The following NCS1 variants were observed in gnomAD, a reference collection of about 807,000 sequenced individuals.
NCS1 encodes neuronal calcium sensor 1.
Under a neutral mutation model 28.4 loss-of-function variants are expected in NCS1, and 6 were observed. The observed-to-expected ratio is 0.21, with a 90% CI of 0.12 to 0.42. The LOEUF (loss-of-function observed/expected upper bound fraction) is 0.42. NCS1 is among the 10% of genes least tolerant of loss of function. The pLI, the probability that NCS1 is intolerant of heterozygous loss-of-function variation, is 1.00. For missense variants in NCS1, 131 were observed against 241.4 expected (o/e 0.54, Z 3.03); for synonymous variants, 86 against 99.3 (o/e 0.87, Z 0.79).
chr9:130,231,166 C>T (rs1833496720), intron 7 of NCS1, among the ~76,000 whole-genome samples: 1 of 151,886 alleles, frequency 6.6e-6, no homozygotes, highest in Non-Finnish European at 1.5e-5. Context: ...GCCTGGGCAA[C>T]ATGGTGAAAC....
rs1452793856 is a variant in NCS1, at chr9:130,191,357, G to C, written c.65-9601G>C. On this transcript the variant is annotated intron_variant, in intron 1 of 7. Coordinates refer to ENST00000372398, the MANE Select transcript of NCS1 (RefSeq NM_014286.4). The surrounding 1 kb of genome is among the most constrained non-coding windows in gnomAD (Gnocchi z 6.4). ...CTGGCCTGGCCCGAGTCTGCCCTCC[G>C]GGGCCAGGGACTCCATCTACTCGCC... Among the ~76,000 whole-genome samples, 2 of 152,118 alleles carry C rather than the reference G, an allele frequency of 1.3e-5. No individual in the cohort carries two copies. Among genetic ancestry groups the C allele is most frequent in the African/African-American group, 4.8e-5 (2 of 41,436 alleles).
chr9:130,183,700 T>A (rs1228246066), intron 1 of NCS1, among the ~76,000 whole-genome samples: 3 of 151,636 alleles, frequency 2.0e-5, no homozygotes, highest in African/African-American at 7.3e-5. Flanking sequence ...TCTTTCTTTT[T>A]TTCTCTCTCT....
At chr9:130,176,194 C>CTTTT (rs35934993) in intron 1 of NCS1, among the ~76,000 whole-genome samples, 3 of 50,132 alleles carry the variant, frequency 6.0e-5, no homozygotes, top group African/African-American at 1.1e-4. Flanking sequence ...TTCTTTCTTT[C>CTTTT]TTTTTTTTTT....
intron 1 of NCS1, among the ~76,000 whole-genome samples, chr9:130,185,888 C>G (rs1365029688): frequency 6.6e-6 from 1 of 152,260 alleles, no homozygotes; most frequent in East Asian, 1.9e-4. Flanking sequence ...TTTGCTGCGC[C>G]TGAGCGCAAC....
At chr9:130,201,456 G>A (rs1554907471) in intron 2 of NCS1, among the ~76,000 whole-genome samples, 1 of 152,162 alleles carries the variant, frequency 6.6e-6, no homozygotes, top group African/African-American at 2.4e-5. Flanking sequence ...CCGTGATAAG[G>A]ATTCCGAGGC....
In NCS1 at chr9:130,181,918, T is replaced by C. The variant is rs1832664223; in HGVS notation, c.64+9191T>C. On this transcript the variant is annotated intron_variant, in intron 1 of 7. Transcript: ENST00000372398. This position sits in a 1 kb window ranked among gnomAD's most constrained non-coding sequence, Gnocchi z 5.0. ...GCTCTGTACAGGTTGTAAATGTAGGTGTGCCTGGGGGTGGGGGACGCTGGG... is the reference window on the plus strand; with the variant it reads ...GCTCTGTACAGGTTGTAAATGTAGGCGTGCCTGGGGGTGGGGGACGCTGGG... 6.7e-6 allele frequency among the ~76,000 whole-genome samples: 1 copy of C among 148,808 alleles called. No homozygotes were observed. The highest frequency in any genetic ancestry group is 2.5e-5 in the African/African-American group (1 of 40,282).
chr9:130,198,979 G>C (rs374926353), intron 1 of NCS1, among the ~76,000 whole-genome samples: 1 of 152,272 alleles, frequency 6.6e-6, no homozygotes, highest in Admixed American at 6.5e-5. Flanking sequence ...TCCTGAACCC[G>C]TTCCTGCCCC....
At chr9:130,225,189 CTCAA>C (rs1169540908) in intron 6 of NCS1, among the ~76,000 whole-genome samples, 2 of 152,236 alleles carry the variant, frequency 1.3e-5, no homozygotes, top group South Asian at 2.1e-4. Context: ...GAGACCCTGT[CTCAA>C]TCAATCAATC....
Position 130,232,553 on chromosome 9 carries a change from C to A in NCS1, c.*18-437C>A, listed in dbSNP as rs761274643. On this transcript the variant is annotated intron_variant, in intron 7 of 7. Transcript: ENST00000372398. The surrounding 1 kb of genome is among the most constrained non-coding windows in gnomAD (Gnocchi z 4.4). ...ATCCCAGCACTTTGGGAGGCCGAGG[C>A]GGGTCTATCATGAGGTCAGGAGTTC... Among the ~76,000 whole-genome samples the A allele has an allele frequency of 3.9e-5, 6 of 152,120 alleles. No homozygotes were observed. The highest frequency in any genetic ancestry group is 7.4e-5 in the Non-Finnish European group (5 of 68,024).
chr9:130,212,983 C>T (rs140797964), intron 2 of NCS1, among the ~76,000 whole-genome samples: 1 of 152,164 alleles, frequency 6.6e-6, no homozygotes, highest in African/African-American at 2.4e-5. Flanking sequence ...CAGACCCCCC[C>T]ATCCCGTCTC....
chr9:130,222,492 C>T (rs76718740), intron 4 of NCS1, among the ~76,000 whole-genome samples, 158 bp from the exon 5 acceptor site: 4,807 of 152,062 alleles, frequency 0.032, 234 homozygotes, highest in African/African-American at 0.11. Flanking sequence ...GTGTGTGTGT[C>T]TGTCCCTGTC....
At chr9:130,212,791 C>A (rs1833130391) in intron 2 of NCS1, among the ~76,000 whole-genome samples, 1 of 152,112 alleles carries the variant, frequency 6.6e-6, no homozygotes, top group South Asian at 2.1e-4. Context: ...CATATGCCAG[C>A]AGCTCACTCG....
rs560484315 is a variant in NCS1, at chr9:130,196,259, T to C, written c.65-4699T>C. 8.5e-5 allele frequency among the ~76,000 whole-genome samples: 13 copies of C among 152,304 alleles called. No homozygotes were observed. The East Asian group carries it at 2.5e-3, about 29-fold the overall frequency. ...GGGGTGAAGAGGACAAACATTTCCCTCAACTTTTTATTTTGAAAAATCAAG... is the reference window on the plus strand; with the variant it reads ...GGGGTGAAGAGGACAAACATTTCCCCCAACTTTTTATTTTGAAAAATCAAG... On this transcript the variant is annotated intron_variant, in intron 1 of 7. Transcript: ENST00000372398.
rs1157554991 is a variant in NCS1 at position 130,192,447 on chromosome 9, C to G, written c.65-8511C>G. On this transcript the variant is annotated intron_variant, in intron 1 of 7. Coordinates refer to ENST00000372398, the MANE Select transcript of NCS1 (RefSeq NM_014286.4). This position sits in a 1 kb window ranked among gnomAD's most constrained non-coding sequence, Gnocchi z 4.8. ...GGGGCTGCTCTTCCTGGACACGGGG[C>G]CTGTCGTTGTGGGAAATGAGGCGCT... Among the ~76,000 whole-genome samples the G allele has an allele frequency of 6.6e-6, 1 of 152,056 alleles. No individual in the cohort carries two copies. Among genetic ancestry groups the G allele is most frequent in the Non-Finnish European group, 1.5e-5 (1 of 68,006 alleles).
At chr9:130,229,880 T>C (rs1833475465) in intron 7 of NCS1, among the ~76,000 whole-genome samples, 2 of 152,232 alleles carry the variant, frequency 1.3e-5, no homozygotes, top group South Asian at 2.1e-4. Context: ...CTTGCAGTGA[T>C]GTAAGTCATT....
chr9:130,190,853 G>T (rs1233590444), intron 1 of NCS1, among the ~76,000 whole-genome samples: 2 of 152,174 alleles, frequency 1.3e-5, no homozygotes, highest in African/African-American at 4.8e-5. Context: ...GGCTGGCAGG[G>T]ACCCCCGCCT....
At chr9:130,212,444 C>T (rs782299552) in intron 2 of NCS1, among the ~76,000 whole-genome samples, 1 of 150,152 alleles carries the variant, frequency 6.7e-6, no homozygotes, top group Non-Finnish European at 1.5e-5. Context: ...CAGGCCTGCA[C>T]GACAGCGACC....
chr9:130,193,561 G>A (rs782714139), intron 1 of NCS1, among the ~76,000 whole-genome samples: 2 of 152,108 alleles, frequency 1.3e-5, no homozygotes, highest in South Asian at 2.1e-4. Flanking sequence ...GAAGAGGCCC[G>A]GGCGATCCCT....
rs1832810448 is a variant in NCS1 at position 130,191,064 on chromosome 9, T to C, written c.65-9894T>C. ...ACCACGACTCCTCATCGGCACAGCATCTCCAGGGCGCCCACCATGTGCTGG... is the reference window on the plus strand; with the variant it reads ...ACCACGACTCCTCATCGGCACAGCACCTCCAGGGCGCCCACCATGTGCTGG... On this transcript the variant is annotated intron_variant, in intron 1 of 7. Coordinates refer to ENST00000372398, the MANE Select transcript of NCS1 (RefSeq NM_014286.4). The surrounding 1 kb of genome is among the most constrained non-coding windows in gnomAD (Gnocchi z 6.4). 6.6e-6 allele frequency among the ~76,000 whole-genome samples: 1 copy of C among 152,114 alleles called. No homozygotes were observed. The highest frequency in any genetic ancestry group is 2.4e-5 in the African/African-American group (1 of 41,428).
Sources: gnomAD v4.1 joint callset for allele counts (sites outside exome capture counted in the v4.1 genomes callset) on GRCh38, gnomAD v4.1.1 for gene constraint, Gnocchi (gnomAD v3.1) non-coding constraint, MANE v1.5 for transcripts, NCBI Gene and HGNC (gene_info 2026-07-23, HGNC 2026-07-21) for gene names.